Variants in CERT1 observed in about 807,000 individuals in gnomAD.
CERT1 encodes the protein ceramide transporter 1, also known as ceramide transfer protein.
CERT1 carries 31 observed loss-of-function variants against 87.9 expected under a neutral mutation model. The ratio of observed to expected loss-of-function variants is 0.35; its 90% CI spans 0.27 to 0.48. CERT1 has a LOEUF of 0.48. Among genes scored for constraint, CERT1 ranks in the 20% least tolerant of loss-of-function variants. The pLI is 0.99. For synonymous variants in CERT1, 289 were observed against 250.9 expected, an observed-to-expected ratio of 1.15 and a Z score of -1.44; for missense variants, 487 against 758.0, an observed-to-expected ratio of 0.64 and a Z score of 4.20.
Position 75,501,999 on chromosome 5 carries a change from A to G in CERT1, c.231+3983T>C, listed in dbSNP as rs546766463. Among the ~76,000 whole-genome samples, 6 of 152,254 alleles carry G rather than the reference A, an allele frequency of 3.9e-5. No individual in the cohort carries two copies. In the South Asian group the frequency reaches 6.2e-4, roughly 16 times the overall value. On this transcript the variant is annotated intron_variant, in intron 2 of 16. Coordinates refer to ENST00000643780, the MANE Select transcript of CERT1 (RefSeq NM_001379029.1). Reference sequence around the variant, plus strand: ...GTATGTAAAAATCTAAGATTTCTCTAGGGCCTAATATAGACTATAAAACAA... The same window carrying G: ...GTATGTAAAAATCTAAGATTTCTCTGGGGCCTAATATAGACTATAAAACAA...
intron 3 of CERT1, among the ~76,000 whole-genome samples, chr5:75,441,417 A>G (rs1398338749): frequency 2.0e-5 from 3 of 152,234 alleles, no homozygotes; most frequent in Non-Finnish European, 2.9e-5. Flanking sequence ...GGTATTTGTT[A>G]TAAGGATACA....
intron 2 of CERT1, among the ~76,000 whole-genome samples, chr5:75,477,646 G>GT (rs1158147134): frequency 1.8e-4 from 8 of 45,382 alleles, no homozygotes; most frequent in Non-Finnish European, 2.6e-4. Context: ...CTAATAAGTT[G>GT]TAAAAAAAAA....
intron 3 of CERT1, among the ~76,000 whole-genome samples, chr5:75,455,299 G>A (rs1173216221): frequency 2.0e-5 from 3 of 152,148 alleles, no homozygotes; most frequent in Non-Finnish European, 4.4e-5. Context: ...CAAGCATCTT[G>A]ACAACTTTTT....
downstream of CERT1, chr5:75,374,013 G>T: frequency 2.5e-6 from 1 of 398,498 alleles, no homozygotes; most frequent in South Asian, 1.3e-4. Context: ...GATCTAGCAA[G>T]AGATAGCTAG....
intron 2 of CERT1, among the ~76,000 whole-genome samples, chr5:75,490,750 G>A (rs1042836540): frequency 6.6e-5 from 10 of 151,988 alleles, no homozygotes; most frequent in African/African-American, 1.9e-4. Context: ...CGCCCACCTC[G>A]GCCTCCCAAA....
chr5:75,459,784 G>A (rs1037623295), intron 2 of CERT1, among the ~76,000 whole-genome samples: 5 of 151,986 alleles, frequency 3.3e-5, no homozygotes, highest in Admixed American at 6.6e-5. Context: ...CCAAGATGGT[G>A]AAATCCTGTC....
chr5:75,472,820 A>C (rs1433363804), intron 2 of CERT1, among the ~76,000 whole-genome samples: 2 of 152,200 alleles, frequency 1.3e-5, no homozygotes, highest in Non-Finnish European at 2.9e-5. Flanking sequence ...TGGTAATGTG[A>C]ATTAGTAGAG....
chr5:75,431,442 A>C (rs1209030743), intron 3 of CERT1, among the ~76,000 whole-genome samples: 1 of 152,100 alleles, frequency 6.6e-6, no homozygotes, highest in African/African-American at 2.4e-5. Context: ...AGGCAGAGGG[A>C]GCTCAGGAAA....
chr5:75,406,497 G>T (rs1180104452), intron 8 of CERT1, among the ~76,000 whole-genome samples: 1 of 150,414 alleles, frequency 6.6e-6, no homozygotes. Flanking sequence ...CTTGTTTCTT[G>T]TTGTATTCTC....
intron 7 of CERT1, 39 bp downstream of exon 7, chr5:75,416,837 A>T: frequency 6.6e-7 from 1 of 1,515,768 alleles, no homozygotes; most frequent in Non-Finnish European, 8.9e-7. Context: ...GTAAAACTTA[A>T]ATGTGATTAT....
At chr5:75,388,516 T>C (rs1761890096) in intron 12 of CERT1, among the ~76,000 whole-genome samples, 1 of 148,572 alleles carries the variant, frequency 6.7e-6, no homozygotes, top group Non-Finnish European at 1.5e-5. Context: ...ATCACAGAGA[T>C]CTTTCTTTTC....
chr5:75,446,681 C>T (rs1162052922), intron 3 of CERT1, among the ~76,000 whole-genome samples: 1 of 152,008 alleles, frequency 6.6e-6, no homozygotes, highest in African/African-American at 2.4e-5. Context: ...TTTTTACTGT[C>T]GTAGGCTATT....
At chr5:75,466,778 C>A (rs1265605881) in intron 2 of CERT1, among the ~76,000 whole-genome samples, 2 of 152,202 alleles carry the variant, frequency 1.3e-5, no homozygotes, top group Non-Finnish European at 2.9e-5. Flanking sequence ...TAACCCAAAC[C>A]ACTTCTCTTT....
At chr5:75,450,798 C>T (rs535345186) in intron 3 of CERT1, among the ~76,000 whole-genome samples, 10 of 152,262 alleles carry the variant, frequency 6.6e-5, no homozygotes, top group Non-Finnish European at 1.3e-4. Context: ...AGCTTCCCAC[C>T]CCTTCCAAGT....
At chr5:75,413,736 AACACCCAC>A (rs1159637017) in intron 7 of CERT1, among the ~76,000 whole-genome samples, 1 of 151,878 alleles carries the variant, frequency 6.6e-6, no homozygotes, top group Non-Finnish European at 1.5e-5. Flanking sequence ...CAACATCAAC[AACACCCAC>A]ACACCCACAC....
chr5:75,404,548 A>G (rs1762630673), intron 8 of CERT1, among the ~76,000 whole-genome samples: 1 of 152,208 alleles, frequency 6.6e-6, no homozygotes, highest in Non-Finnish European at 1.5e-5. Flanking sequence ...AAAACACAAA[A>G]TATCCAAACT....
rs762782404 is a variant in CERT1 at position 75,459,030 on chromosome 5, G to A, written c.348+35C>T. 2.4e-5 allele frequency: 29 copies of A among 1,188,816 alleles called. No homozygotes were observed. The South Asian group carries it at 3.7e-4, about 15-fold the overall frequency. 73.6% of individuals were successfully genotyped at this position (1,188,816 alleles called of 1,614,324 possible). ...GGTATTGTCAACAATCTCTTACCTAGTCCTCCATGGACAGGTAAACATTAG... is the reference window on the plus strand; with the variant it reads ...GGTATTGTCAACAATCTCTTACCTAATCCTCCATGGACAGGTAAACATTAG... On this transcript the variant is annotated intron_variant, in intron 3 of 16. Transcript: ENST00000643780.
At chr5:75,472,093 T>A (rs1231486265) in intron 2 of CERT1, among the ~76,000 whole-genome samples, 1 of 152,160 alleles carries the variant, frequency 6.6e-6, no homozygotes, top group Non-Finnish European at 1.5e-5. Flanking sequence ...CAGACCATTG[T>A]AATAGAATAG....
chr5:75,423,314 AATTG>A (rs1426146001), intron 5 of CERT1, among the ~76,000 whole-genome samples: 1 of 152,194 alleles, frequency 6.6e-6, no homozygotes, highest in East Asian at 1.9e-4. Context: ...GTAACATTTA[AATTG>A]ATTAAAAGGT....
Sources: allele counts gnomAD v4.1 joint callset (sites outside exome capture counted in the v4.1 genomes callset), GRCh38; gene constraint gnomAD v4.1.1; transcripts MANE v1.5; gene names NCBI Gene and HGNC (gene_info 2026-07-23, HGNC 2026-07-21).